FAM161A: variants seen among roughly 807,000 people sequenced by gnomAD.
The protein encoded by FAM161A is FAM161 centrosomal protein A.
In FAM161A, 57 loss-of-function variants were observed where a neutral mutation model predicts 70.9. The ratio of observed to expected loss-of-function variants is 0.80; its 90% CI spans 0.65 to 1.00. The LOEUF is 1.00. Ranked by LOEUF, FAM161A falls within the 50% of genes least tolerant of loss-of-function variation. FAM161A has a pLI of 0.00. For synonymous variants in FAM161A, 299 were observed against 295.7 expected, an observed-to-expected ratio of 1.01 and a Z score of -0.12; for missense variants, 880 against 836.0, an observed-to-expected ratio of 1.05 and a Z score of -0.65.
At chr2:61,836,276 C>T (rs1014187966) in intron 4 of FAM161A, 167 bp from the exon 5 acceptor site, 16 of 613,010 alleles carry the variant, frequency 2.6e-5, no homozygotes, top group South Asian at 1.9e-5. Context: ...CAGTTTACCT[C>T]GATTCCTCTT....
chr2:61,809,330 T>C, the FAM161A span, among the ~76,000 whole-genome samples: 2 of 152,338 alleles, frequency 1.3e-5, no homozygotes, highest in Non-Finnish European at 2.9e-5. Context: ...ACCTCTTCTT[T>C]CTACACACAT....
At chr2:61,803,181 G>A in the FAM161A span, 1 of 527,564 alleles carries the variant, frequency 1.9e-6, no homozygotes, top group South Asian at 1.7e-5. Context: ...AGGCAACAGT[G>A]CCTAAGACAG....
chr2:61,840,354 G>C lies in FAM161A; in HGVS notation c.650C>G (p.Thr217Ser), dbSNP rs2105083310. Reference protein sequence around the residue: ...CVEDYIRCKDTGFHAAEKRRK... With the variant: ...CVEDYIRCKDSGFHAAEKRRK... ...TCTTTTTTCAGCTGCATGGAAGCCA[G>C]TATCTTTACAGCGAATATAATCCTC... is the stretch of plus-strand genomic sequence containing the variant. Residue 217 changes from threonine (T) to serine (S), a missense_variant, in exon 3 of 7, where the codon ACT (threonine) becomes AGT (serine). Physicochemically the swap from Thr to Ser is moderately conservative, Grantham distance 58. Coordinates refer to ENST00000404929, the MANE Select transcript of FAM161A (RefSeq NM_001201543.2). The C allele has an allele frequency of 6.2e-7, 1 of 1,614,132 alleles. No homozygotes were observed. Among genetic ancestry groups the C allele is most frequent in the East Asian group, 2.2e-5 (1 of 44,878 alleles).
At chr2:61,817,747 G>T in the FAM161A span, among the ~76,000 whole-genome samples, 1 of 152,198 alleles carries the variant, frequency 6.6e-6, no homozygotes, top group African/African-American at 2.4e-5. Context: ...CAGGAGGATG[G>T]TTTGAGTTCA....
rs1165944033 is a variant in FAM161A at position 61,838,711 on chromosome 2, G to A, written c.1584-6C>T. 2.5e-6 allele frequency: 4 copies of A among 1,590,054 alleles called. No individual in the cohort carries two copies. In the South Asian group the frequency reaches 3.5e-5, roughly 14 times the overall value. ...TCTTTTCCTCAAGTGATCTCCTGAG[G>A]GTAACAAACTAAGGCTTAATCCACT... On this transcript the variant is annotated splice_polypyrimidine_tract_variant and splice_region_variant and intron_variant, in intron 3 of 6. Transcript: ENST00000404929.
At chr2:61,819,188 C>T in the FAM161A span, among the ~76,000 whole-genome samples, 6 of 152,174 alleles carry the variant, frequency 3.9e-5, no homozygotes, top group African/African-American at 1.4e-4. Context: ...GACTAAAGAG[C>T]TATCAAAACT....
the FAM161A span, among the ~76,000 whole-genome samples, chr2:61,815,243 C>G: frequency 6.6e-6 from 1 of 152,184 alleles, no homozygotes; most frequent in South Asian, 2.1e-4. Flanking sequence ...GTAAGTCACA[C>G]CATTATCTGG....
At position 61,825,971 on chromosome 2, in the gene FAM161A, C is replaced by CA. The variant is rs1672345842; in HGVS notation, c.*483dup. ...TACTTTTAAAAATGGCTCAGAGCAG[C>CA]AAAACAAGTTAGAGGATTTATTCTG... On this transcript the variant is annotated 3_prime_UTR_variant, in exon 7 of 7. Transcript: ENST00000404929. 2 of 453,918 alleles carry CA rather than the reference C, an allele frequency of 4.4e-6. No individual in the cohort carries two copies. The highest frequency in any genetic ancestry group is 3.1e-5 in the South Asian group (2 of 64,476). The allele number at this position is 453,918 out of a possible 1,614,324, so 28.1% of individuals were successfully genotyped here.
chr2:61,849,415 G>A lies in FAM161A; in HGVS notation c.183+4444C>T, dbSNP rs375608665. Among the ~76,000 whole-genome samples the A allele has an allele frequency of 1.1e-4, 16 of 151,556 alleles. No homozygotes were observed. The East Asian group carries it at 1.7e-3, about 17-fold the overall frequency. On this transcript the variant is annotated intron_variant, in intron 1 of 6. Transcript: ENST00000404929. ...AGCACTATGGGAGGCCGAGGAGGGCGAATTGCTTGAGCCCAGGAGTTTGAG... is the reference window on the plus strand; with the variant it reads ...AGCACTATGGGAGGCCGAGGAGGGCAAATTGCTTGAGCCCAGGAGTTTGAG...
rs766559691 is a variant in FAM161A at position 61,840,103 on chromosome 2, T to C, written c.901A>G (p.Lys301Glu). 3.1e-5 allele frequency: 50 copies of C among 1,614,094 alleles called. No individual in the cohort carries two copies. Among genetic ancestry groups the C allele is most frequent in the Non-Finnish European group, 4.0e-5 (47 of 1,180,054 alleles). Residue 301 changes from lysine to glutamate, a missense_variant, in exon 3 of 7, where the codon AAG (lysine) becomes GAG (glutamate). Lys to Glu is a moderately conservative substitution (Grantham distance 56, BLOSUM62 1). Transcript: ENST00000404929. ...VFLPLYHDLV[K>E]QKEERRRSLK... ...GACCTTCTCCGTTCTTCTTTTTGCT[T>C]GACTAAATCATGGTAAAGGGGGAGA...
chr2:61,846,839 C>T (rs1673232307), intron 1 of FAM161A: 1 of 426,288 alleles, frequency 2.3e-6, no homozygotes. Context: ...AGCAGCAGTT[C>T]GTTTTAGTAG....
chr2:61,853,013 G>A (rs1467051689), intron 1 of FAM161A, among the ~76,000 whole-genome samples: 1 of 141,412 alleles, frequency 7.1e-6, no homozygotes, highest in Non-Finnish European at 1.5e-5. Context: ...CCAAGTTCAA[G>A]CGATTCTCCT....
the FAM161A span, among the ~76,000 whole-genome samples, chr2:61,807,652 T>G: frequency 5.0e-4 from 74 of 148,962 alleles, no homozygotes; most frequent in African/African-American, 1.6e-3. Flanking sequence ...TTTTTTTTTT[T>G]TTGTTGAGAC....
the FAM161A span, among the ~76,000 whole-genome samples, chr2:61,808,375 C>T: frequency 6.6e-6 from 1 of 151,822 alleles, no homozygotes; most frequent in Non-Finnish European, 1.5e-5. Flanking sequence ...TGGGTTCAAG[C>T]AATTCCGCTG....
In FAM161A at chr2:61,839,688, T is replaced by C. The variant is rs777799079; in HGVS notation, c.1316A>G (p.Gln439Arg). The C allele has an allele frequency of 1.2e-6, 2 of 1,614,240 alleles. No individual in the cohort carries two copies. Among genetic ancestry groups the C allele is most frequent in the Non-Finnish European group, 1.7e-6 (2 of 1,180,044 alleles). Residue 439 changes from glutamine (Q) to arginine (R), a missense_variant, in exon 3 of 7, where the codon CAG becomes CGG. Gln to Arg is a conservative substitution (Grantham distance 43). Transcript: ENST00000404929. ...AGACTTGTGTTCTGAGAGGTGTTTC[T>C]GGTATCTCTCAGGAAGGTCCTCAAA... ...PDFEDLPERY[Q>R]KHLSEHKSPK...
At chr2:61,830,460 C>A (rs958584883) in intron 5 of FAM161A, among the ~76,000 whole-genome samples, 1 of 151,912 alleles carries the variant, frequency 6.6e-6, no homozygotes, top group African/African-American at 2.4e-5. Context: ...GCAGGTGGAT[C>A]ACTTGAGGTC....
At chr2:61,851,985 A>T (rs574478391) in intron 1 of FAM161A, among the ~76,000 whole-genome samples, 1 of 152,204 alleles carries the variant, frequency 6.6e-6, no homozygotes, top group Non-Finnish European at 1.5e-5. Context: ...AAAAATCAAG[A>T]TGGAGACCCA....
intron 1 of FAM161A, among the ~76,000 whole-genome samples, chr2:61,848,916 T>TTTA (rs1673351578): frequency 1.5e-3 from 1 of 656 alleles, no homozygotes; most frequent in Non-Finnish European, 2.3e-3. Flanking sequence ...ATTTATATAT[T>TTTA]TATATATATT....
At chr2:61,847,650 T>C (rs1454110888) in intron 1 of FAM161A, among the ~76,000 whole-genome samples, 1 of 152,094 alleles carries the variant, frequency 6.6e-6, no homozygotes, top group Non-Finnish European at 1.5e-5. Flanking sequence ...TATGCACCTA[T>C]AGTCCCAGCT....
Sources: gnomAD v4.1 joint callset for allele counts (sites outside exome capture counted in the v4.1 genomes callset) on GRCh38, gnomAD v4.1.1 for gene constraint, MANE v1.5 for transcripts, NCBI Gene and HGNC (gene_info 2026-07-23, HGNC 2026-07-21) for gene names.